The following ZNF207 variants were observed in gnomAD, a reference collection of about 807,000 sequenced individuals.
ZNF207 encodes BUB3-interacting and GLEBS motif-containing protein ZNF207.
A neutral mutation model predicts 60.2 loss-of-function variants in ZNF207; 24 were observed. The ratio of observed to expected loss-of-function variants is 0.40; its 90% CI spans 0.29 to 0.56. ZNF207 has a LOEUF of 0.56. ZNF207 is among the 20% of genes least tolerant of loss of function. The pLI is 0.49. For missense variants in ZNF207, 452 were observed against 636.6 expected (o/e 0.71, Z 3.12); for synonymous variants, 236 against 194.7 (o/e 1.21, Z -1.77).
At chr17:32,367,353 C>T (rs1032109425) in intron 9 of ZNF207, among the ~76,000 whole-genome samples, 7 of 141,318 alleles carry the variant, frequency 5.0e-5, no homozygotes, top group Non-Finnish European at 7.6e-5. Context: ...TAGTTAGTAA[C>T]GAGTTTAAAC....
chr17:32,356,717 A>G (rs957381038), intron 2 of ZNF207, among the ~76,000 whole-genome samples: 7 of 152,220 alleles, frequency 4.6e-5, no homozygotes, highest in Non-Finnish European at 7.3e-5. Context: ...AGTCTAGGCA[A>G]AATACTTTGA....
At position 32,380,802 on chromosome 17, in the gene ZNF207, CA is replaced by C. The variant is rs1192624726; in HGVS notation, c.*11048del. The C allele has an allele frequency of 7.2e-5, 11 of 151,996 alleles. No individual in the cohort carries two copies. Among genetic ancestry groups the C allele is most frequent in the Non-Finnish European group, 4.4e-5 (3 of 68,008 alleles). 9.4% of individuals were successfully genotyped at this position (151,996 alleles called of 1,614,324 possible). ...TGAAACCCCGTCTCTACTAAAAATA[CA>C]AAAATCAGCCGGGTGTGGTGGGACG... On this transcript the variant is annotated 3_prime_UTR_variant, in exon 12 of 12. Coordinates refer to ENST00000394670, the MANE Select transcript of ZNF207 (RefSeq NM_001098507.2).
intron 2 of ZNF207, among the ~76,000 whole-genome samples, chr17:32,354,871 C>T (rs1904416834): frequency 6.6e-6 from 1 of 152,180 alleles, no homozygotes; most frequent in South Asian, 2.1e-4. Flanking sequence ...TCCTTGGCCT[C>T]CCAAAGTGCT....
chr17:32,373,219 A>T lies in ZNF207; in HGVS notation c.*3460A>T, dbSNP rs575563227. On this transcript the variant is annotated 3_prime_UTR_variant, in exon 12 of 12. Transcript: ENST00000394670. ...TAAACTTAATTAATTGGGGAGGGGG[A>T]TTCCCCAACAAAAAGAAGTACGGGC... The T allele has an allele frequency of 6.7e-6, 3 of 450,312 alleles. No individual in the cohort carries two copies. The East Asian group carries it at 9.5e-5, about 14-fold the overall frequency. The allele number at this position is 450,312 out of a possible 1,614,324, so 27.9% of individuals were successfully genotyped here. A position where few individuals can be genotyped will look rare whatever the true frequency, so the allele number is the denominator to read the frequency against.
intron 1 of ZNF207, 154 bp downstream of exon 1, chr17:32,350,480 T>A (rs2150784098): frequency 1.1e-6 from 1 of 943,066 alleles, no homozygotes; most frequent in East Asian, 2.5e-5. Flanking sequence ...TGGGAAGGCT[T>A]CTAGGAAAAT....
In ZNF207 at chr17:32,366,762, G is replaced by A. The variant is rs779549661; in HGVS notation, c.921+5G>A. The A allele has an allele frequency of 1.2e-5, 19 of 1,588,942 alleles. No homozygotes were observed. Among genetic ancestry groups the A allele is most frequent in the Non-Finnish European group, 1.6e-5 (19 of 1,170,278 alleles). On this transcript the variant is annotated splice_donor_5th_base_variant and intron_variant, in intron 9 of 11. Transcript: ENST00000394670. ...CTGTTTCCTAGCACAGCACAAGTAC[G>A]CAGGAAGTTGCAGTTTAAAATTGTT...
In ZNF207 at chr17:32,375,495, G is replaced by C. The variant is rs576918210; in HGVS notation, c.*5736G>C. ...TAATCTGTTGAAGGTAATATCTATA[G>C]ATAACTAAGATAGTTCCTTTTTTTT... On this transcript the variant is annotated 3_prime_UTR_variant, in exon 12 of 12. Coordinates refer to ENST00000394670, the MANE Select transcript of ZNF207 (RefSeq NM_001098507.2). 1.2e-4 allele frequency: 19 copies of C among 152,182 alleles called. 1 individual carries two copies. The highest frequency in any genetic ancestry group is 1.0e-3 in the Admixed American group (16 of 15,286). 9.4% of individuals were successfully genotyped at this position (152,182 alleles called of 1,614,324 possible).
chr17:32,355,124 C>T (rs978754899), intron 2 of ZNF207, among the ~76,000 whole-genome samples: 1 of 152,110 alleles, frequency 6.6e-6, no homozygotes, highest in East Asian at 1.9e-4. Context: ...TGGCTAGGTG[C>T]GGTGGCTCAC....
At chr17:32,366,601 A>T in intron 8 of ZNF207, 64 bp from the exon 9 acceptor site, 1 of 1,402,144 alleles carries the variant, frequency 7.1e-7, no homozygotes, top group Non-Finnish European at 9.6e-7. Context: ...AAAGTCTACC[A>T]CATGGCTTAT....
chr17:32,369,503 C>T (rs374361156), intron 11 of ZNF207, 49 bp downstream of exon 11: 68 of 1,603,778 alleles, frequency 4.2e-5, no homozygotes, highest in African/African-American at 3.6e-4. Context: ...TCTAAGTTCA[C>T]GCATAAAATA....
intron 2 of ZNF207, among the ~76,000 whole-genome samples, chr17:32,357,348 ATTAT>A (rs1282569508): frequency 2.7e-3 from 210 of 77,640 alleles, no homozygotes; most frequent in Non-Finnish European, 3.9e-3. Context: ...TATTATTATT[ATTAT>A]TTTTTTTTTT....
chr17:32,379,999 A>T lies in ZNF207; in HGVS notation c.*10240A>T, dbSNP rs1204412802. 1 of 152,280 alleles carries T rather than the reference A, an allele frequency of 6.6e-6. No homozygotes were observed. Among genetic ancestry groups the T allele is most frequent in the African/African-American group, 2.4e-5 (1 of 41,456 alleles). The allele number at this position is 152,280 out of a possible 1,614,324, so 9.4% of individuals were successfully genotyped here. A position where few individuals can be genotyped will look rare whatever the true frequency, so the allele number is the denominator to read the frequency against. On this transcript the variant is annotated 3_prime_UTR_variant, in exon 12 of 12. Transcript: ENST00000394670. ...AACCAATAATAAACAGTCAACTGTGATGCTTTTTAGTATGAACAATGATAG... is the reference window on the plus strand; with the variant it reads ...AACCAATAATAAACAGTCAACTGTGTTGCTTTTTAGTATGAACAATGATAG...
In ZNF207 at chr17:32,351,968, A is replaced by G. The variant is rs943658591; in HGVS notation, c.168+56A>G. Reference sequence around the variant, plus strand: ...GCTTGTGATTTGGAAACAACTTGAAAGAATAATCTTTTTTATTTTTTTGAG... The same window carrying G: ...GCTTGTGATTTGGAAACAACTTGAAGGAATAATCTTTTTTATTTTTTTGAG... On this transcript the variant is annotated intron_variant, in intron 2 of 11. Coordinates refer to ENST00000394670, the MANE Select transcript of ZNF207 (RefSeq NM_001098507.2). The G allele has an allele frequency of 2.1e-6, 3 of 1,460,022 alleles. No individual in the cohort carries two copies. In the Admixed American group the frequency reaches 7.4e-5, roughly 36 times the overall value. The allele number at this position is 1,460,022 out of a possible 1,614,324, so 90.4% of individuals were successfully genotyped here.
In ZNF207 at chr17:32,353,811, CAAAAAAAAAAA is replaced by C. The variant is rs536502166; in HGVS notation, c.168+1914_168+1924del. 2.1e-4 allele frequency among the ~76,000 whole-genome samples: 23 copies of C among 110,530 alleles called. No homozygotes were observed. In the East Asian group the frequency reaches 6.1e-3, roughly 29 times the overall value. The allele number at this position is 110,530 out of a possible 152,430, so 72.5% of individuals were successfully genotyped here. A position where few individuals can be genotyped will look rare whatever the true frequency, so the allele number is the denominator to read the frequency against. On this transcript the variant is annotated intron_variant, in intron 2 of 11. Coordinates refer to ENST00000394670, the MANE Select transcript of ZNF207 (RefSeq NM_001098507.2). ...GCCTGGGTGACAGAGACTCTGTCTC[CAAAAAAAAAAA>C]AAAAAAAAAAAAAATTGTTAGAGAA...
In ZNF207 at chr17:32,367,869, C is replaced by G. The variant is rs1905275321; in HGVS notation, c.1019C>G (p.Ala340Gly). ...TTEPPKPTFP[A>G]YTQSTASTTS... ...GAACCCCCAAAGCCTACATTCCCTG[C>G]TTATACACAGTCTACAGCTTCAACA... Residue 340 changes from alanine to glycine, a missense_variant, in exon 10 of 12, where the codon GCT becomes GGT. This residue lies in a region of ZNF207 where 390 missense variants were observed against 461.4 expected (regional missense o/e 0.85). Transcript: ENST00000394670. 1 of 1,614,154 alleles carries G rather than the reference C, an allele frequency of 6.2e-7. No individual in the cohort carries two copies. The highest frequency in any genetic ancestry group is 8.5e-7 in the Non-Finnish European group (1 of 1,180,018).
chr17:32,352,546 G>A (rs2041527076), intron 2 of ZNF207, among the ~76,000 whole-genome samples: 2 of 152,320 alleles, frequency 1.3e-5, no homozygotes, highest in Admixed American at 6.5e-5. Flanking sequence ...CAGCGATTTA[G>A]ATTTTGTAGG....
intron 2 of ZNF207, among the ~76,000 whole-genome samples, chr17:32,354,268 C>T (rs1297547103): frequency 1.3e-5 from 2 of 152,196 alleles, no homozygotes; most frequent in East Asian, 1.9e-4. Flanking sequence ...TTGTGAGCCA[C>T]TGAGCCCGGC....
At chr17:32,355,287 G>A (rs1904441994) in intron 2 of ZNF207, among the ~76,000 whole-genome samples, 1 of 152,178 alleles carries the variant, frequency 6.6e-6, no homozygotes, top group Non-Finnish European at 1.5e-5. Context: ...TACTCAGGAG[G>A]CTGAGGCAGG....
intron 8 of ZNF207, 72 bp from the exon 9 acceptor site, chr17:32,366,593 A>G: frequency 1.6e-6 from 2 of 1,279,462 alleles, no homozygotes; most frequent in East Asian, 5.3e-5. Context: ...TCTACTAAAA[A>G]GTCTACCACA....
Sources: allele counts gnomAD v4.1 joint callset (sites outside exome capture counted in the v4.1 genomes callset), GRCh38; gene constraint gnomAD v4.1.1; regional missense constraint gnomAD v4.1.1; transcripts MANE v1.5; gene names NCBI Gene and HGNC (gene_info 2026-07-23, HGNC 2026-07-21).